The following DOCK1 variants were observed in gnomAD, a reference collection of about 807,000 sequenced individuals.
The protein encoded by DOCK1 is dedicator of cytokinesis protein 1.
A neutral mutation model predicts 262.7 loss-of-function variants in DOCK1; 138 were observed. The observed-to-expected ratio is 0.53, with a 90% CI of 0.46 to 0.61. DOCK1 has a LOEUF of 0.61. DOCK1 is among the 20% of genes least tolerant of loss of function. The probability of loss-of-function intolerance (pLI) is 0.00; values close to 1 mark genes in which losing one functional copy is unlikely to be tolerated. For synonymous variants in DOCK1, 866 were observed against 867.4 expected (o/e 1.00, Z 0.03); for missense variants, 1,908 against 2,370.7 (o/e 0.80, Z 4.05).
intron 13 of DOCK1, among the ~76,000 whole-genome samples, chr10:127,021,931 C>T (rs766731164): frequency 1.3e-5 from 2 of 152,044 alleles, no homozygotes; most frequent in South Asian, 2.1e-4. Context: ...CTGCTCTTGA[C>T]GGAACCGCTC....
chr10:126,970,866 C>T (rs2038053511), intron 2 of DOCK1, 81 bp downstream of exon 2: 2 of 1,487,486 alleles, frequency 1.3e-6, no homozygotes, highest in South Asian at 1.2e-5. Flanking sequence ...GCAAAGCATT[C>T]CTCTGTTACA....
intron 13 of DOCK1, among the ~76,000 whole-genome samples, chr10:127,021,607 G>A (rs1207590500): frequency 2.0e-5 from 3 of 152,174 alleles, no homozygotes; most frequent in Non-Finnish European, 2.9e-5. Flanking sequence ...AGGTCACACA[G>A]CAAATGAGCA....
At chr10:127,258,670 T>C (rs1189061873) in intron 29 of DOCK1, among the ~76,000 whole-genome samples, 1 of 152,222 alleles carries the variant, frequency 6.6e-6, no homozygotes, top group African/African-American at 2.4e-5. Context: ...CCTGGACAAA[T>C]GCTGGCTTGT....
intron 27 of DOCK1, among the ~76,000 whole-genome samples, chr10:127,184,766 C>G (rs1331926237): frequency 6.6e-6 from 1 of 152,166 alleles, no homozygotes; most frequent in Non-Finnish European, 1.5e-5. Flanking sequence ...GGTTCATTTT[C>G]CAGGACCGCG....
chr10:127,328,475 C>T (rs942753526), intron 29 of DOCK1, among the ~76,000 whole-genome samples: 3 of 152,204 alleles, frequency 2.0e-5, no homozygotes, highest in Non-Finnish European at 2.9e-5. Flanking sequence ...CAGATGGACC[C>T]TCACTGTATT....
intron 29 of DOCK1, among the ~76,000 whole-genome samples, chr10:127,318,247 G>T (rs1440182310): frequency 6.6e-6 from 1 of 152,196 alleles, no homozygotes; most frequent in Non-Finnish European, 1.5e-5. Flanking sequence ...GACGGGAACT[G>T]TGTGAGCCAG....
At chr10:126,966,730 C>A (rs2037705547) in intron 1 of DOCK1, among the ~76,000 whole-genome samples, 1 of 152,084 alleles carries the variant, frequency 6.6e-6, no homozygotes, top group Non-Finnish European at 1.5e-5. Flanking sequence ...ATGAGTGCAG[C>A]CTGTTAATTT....
At chr10:126,961,627 A>G (rs2037228884) in intron 1 of DOCK1, among the ~76,000 whole-genome samples, 1 of 152,204 alleles carries the variant, frequency 6.6e-6, no homozygotes, top group South Asian at 2.1e-4. Context: ...CATGCAGCAT[A>G]ATATCTTCAG....
intron 33 of DOCK1, among the ~76,000 whole-genome samples, chr10:127,370,461 A>C (rs1189198352): frequency 6.6e-6 from 1 of 152,158 alleles, no homozygotes; most frequent in African/African-American, 2.4e-5. Flanking sequence ...ATGGTCCTGG[A>C]TGTCTGGCAA....
intron 27 of DOCK1, among the ~76,000 whole-genome samples, chr10:127,173,677 A>C (rs1260891236): frequency 6.6e-6 from 1 of 152,110 alleles, no homozygotes; most frequent in African/African-American, 2.4e-5. Flanking sequence ...GACTGGGTCA[A>C]TGTTTGACCT....
intron 27 of DOCK1, among the ~76,000 whole-genome samples, chr10:127,149,814 T>C (rs2052313967): frequency 6.6e-6 from 1 of 152,182 alleles, no homozygotes; most frequent in East Asian, 1.9e-4. Context: ...GAAATTCCTT[T>C]AAGCTACCCA....
At chr10:127,019,592 A>T (rs150210017) in intron 13 of DOCK1, among the ~76,000 whole-genome samples, 4 of 152,210 alleles carry the variant, frequency 2.6e-5, no homozygotes, top group South Asian at 2.1e-4. Context: ...ACAAAAAAAT[A>T]AAAAAACTAG....
intron 27 of DOCK1, among the ~76,000 whole-genome samples, chr10:127,150,855 A>C (rs2052419004): frequency 6.6e-6 from 1 of 152,208 alleles, no homozygotes; most frequent in African/African-American, 2.4e-5. Flanking sequence ...CTTTAAAGAC[A>C]GGAAAATTGG....
chr10:127,297,187 A>T lies in DOCK1; in HGVS notation c.3044+39758A>T, dbSNP rs191273604. On this transcript the variant is annotated intron_variant, in intron 29 of 51. Transcript: ENST00000623213. The stretch of plus-strand genomic sequence containing the variant: ...AAATGTGGGTGGACACCATTAATGG[A>T]GATGGAAGGAGGTGTTGGAATGGAG... Among the ~76,000 whole-genome samples, 15 of 152,224 alleles carry T rather than the reference A, an allele frequency of 9.9e-5. No homozygotes were observed. The Middle Eastern group carries it at 0.017, about 173-fold the overall frequency.
At chr10:126,992,843 C>A (rs2039909726) in intron 6 of DOCK1, among the ~76,000 whole-genome samples, 1 of 152,002 alleles carries the variant, frequency 6.6e-6, no homozygotes, top group African/African-American at 2.4e-5. Context: ...GGTCTCCCAC[C>A]CTGTCCTCAT....
chr10:127,239,239 T>C (rs1318878092), intron 27 of DOCK1, among the ~76,000 whole-genome samples: 1 of 152,198 alleles, frequency 6.6e-6, no homozygotes, highest in African/African-American at 2.4e-5. Context: ...ATGTGCAGTG[T>C]TTGAGCATAC....
chr10:126,963,282 C>T (rs935284708), intron 1 of DOCK1, among the ~76,000 whole-genome samples: 14 of 152,206 alleles, frequency 9.2e-5, no homozygotes, highest in Non-Finnish European at 1.9e-4. Flanking sequence ...TAGATCGTTT[C>T]GGATCAGCAT....
intron 1 of DOCK1, among the ~76,000 whole-genome samples, chr10:126,957,630 C>T (rs2036857696): frequency 6.6e-6 from 1 of 152,016 alleles, no homozygotes; most frequent in Admixed American, 6.6e-5. Context: ...CTGCAGGTGC[C>T]CACCATCATG....
At chr10:127,411,206 G>A (rs993238235) in intron 43 of DOCK1, among the ~76,000 whole-genome samples, 4 of 152,118 alleles carry the variant, frequency 2.6e-5, no homozygotes, top group South Asian at 2.1e-4. Context: ...CCTTCCCTGC[G>A]AGCCCCAGGT....
Sources: allele counts gnomAD v4.1 joint callset (sites outside exome capture counted in the v4.1 genomes callset), GRCh38; gene constraint gnomAD v4.1.1; transcripts MANE v1.5; gene names NCBI Gene and HGNC (gene_info 2026-07-23, HGNC 2026-07-21).